Variants in ITIH5 observed in about 807,000 individuals in gnomAD.
ITIH5 encodes the protein inter-alpha-trypsin inhibitor heavy chain 5, also known as inter-alpha-trypsin inhibitor heavy chain H5.
ITIH5 carries 65 observed loss-of-function variants against 77.5 expected under a neutral mutation model. The observed-to-expected ratio is 0.84, with a 90% CI of 0.69 to 1.03. The LOEUF is 1.03. ITIH5 is among the 50% of genes least tolerant of loss of function. The pLI, the probability that ITIH5 is intolerant of heterozygous loss-of-function variation, is 0.00. For synonymous variants in ITIH5, 525 were observed against 494.3 expected, an observed-to-expected ratio of 1.06 and a Z score of -0.82; for missense variants, 1,208 against 1,213.1, an observed-to-expected ratio of 1.00 and a Z score of 0.06.
At chr10:7,573,660 A>C (rs1475062672) in intron 10 of ITIH5, among the ~76,000 whole-genome samples, 1 of 126,600 alleles carries the variant, frequency 7.9e-6, no homozygotes, top group African/African-American at 3.0e-5. Flanking sequence ...TGGTTAACAG[A>C]GTGAGACTGT....
chr10:7,583,461 T>A lies in ITIH5; in HGVS notation c.1108+2440A>T, dbSNP rs571737418. 7.2e-4 allele frequency among the ~76,000 whole-genome samples: 109 copies of A among 152,320 alleles called. 2 individuals carry two copies. Among genetic ancestry groups the A allele is most frequent in the Non-Finnish European group, 1.2e-4 (8 of 68,024 alleles). On this transcript the variant is annotated intron_variant, in intron 8 of 13. Transcript: ENST00000397146. ...AATTCTCCTGCCTCAGCCTCCCCAGTAGCTGGGACTACAGGCGCAAGCTAC... is the reference window on the plus strand; with the variant it reads ...AATTCTCCTGCCTCAGCCTCCCCAGAAGCTGGGACTACAGGCGCAAGCTAC...
intron 5 of ITIH5, among the ~76,000 whole-genome samples, chr10:7,624,021 T>C (rs991693357): frequency 6.6e-6 from 1 of 152,162 alleles, no homozygotes; most frequent in African/African-American, 2.4e-5. Flanking sequence ...TATAGTTAAG[T>C]AGATGTTTGC....
At chr10:7,660,796 T>C (rs1347199887) in intron 1 of ITIH5, among the ~76,000 whole-genome samples, 4 of 152,206 alleles carry the variant, frequency 2.6e-5, no homozygotes, top group Non-Finnish European at 5.9e-5. Context: ...ACCTTTGGTA[T>C]GGATGCTGTA....
At chr10:7,625,180 G>T (rs1422148810) in intron 5 of ITIH5, among the ~76,000 whole-genome samples, 2 of 152,032 alleles carry the variant, frequency 1.3e-5, no homozygotes, top group Non-Finnish European at 2.9e-5. Flanking sequence ...CAAAAGAAGA[G>T]AAATGTTGAC....
At chr10:7,603,775 A>G (rs555251569) in intron 7 of ITIH5, among the ~76,000 whole-genome samples, 37 of 152,018 alleles carry the variant, frequency 2.4e-4, no homozygotes, top group Middle Eastern at 6.8e-3. Flanking sequence ...AGTAGAGACG[A>G]GGTTTCACTG....
rs1221757396 is a variant in ITIH5 at position 7,563,228 on chromosome 10, A to G, written c.2684T>C (p.Ile895Thr). ...QVPVVWKQRK[I>T]YNGEEQIDCW... is the part of the protein sequence containing the mutation. ...GTCTATCTGCTCTTCCCCGTTGTAA[A>G]TCTTCCTTTGCTTCCAGACCACTGG... Residue 895 changes from isoleucine (I) to threonine (T), a missense_variant, in exon 14 of 14, where the codon ATT becomes ACT. Physicochemically the swap from Ile to Thr is moderately conservative, Grantham distance 89 (BLOSUM62 -1). Coordinates refer to ENST00000397146, the MANE Select transcript of ITIH5 (RefSeq NM_030569.7). 6.2e-7 allele frequency: 1 copy of G among 1,614,100 alleles called. No homozygotes were observed.
intron 11 of ITIH5, chr10:7,572,264 G>A: frequency 7.4e-7 from 1 of 1,343,268 alleles, no homozygotes; most frequent in South Asian, 1.2e-5. Context: ...TCCAGAGGAT[G>A]ATCTGGACAC....
At chr10:7,664,541 T>C (rs1452067514) in intron 1 of ITIH5, among the ~76,000 whole-genome samples, 1 of 152,192 alleles carries the variant, frequency 6.6e-6, no homozygotes, top group East Asian at 1.9e-4. Flanking sequence ...CAAGTGACTT[T>C]TTCCACCCCA....
Position 7,563,058 on chromosome 10 carries a change from A to G in ITIH5, c.*25T>C, listed in dbSNP as rs1481707274. ...CTCCCCACATCACTGTCCTTCATGC[A>G]CTTGCATCTTTAAGGCTGCCAGCTT... On this transcript the variant is annotated 3_prime_UTR_variant, in exon 14 of 14. Transcript: ENST00000397146. 1.2e-6 allele frequency: 2 copies of G among 1,607,688 alleles called. No homozygotes were observed. The highest frequency in any genetic ancestry group is 1.3e-5 in the African/African-American group (1 of 74,850).
chr10:7,656,246 G>T (rs776693143), intron 1 of ITIH5, among the ~76,000 whole-genome samples: 11 of 152,270 alleles, frequency 7.2e-5, no homozygotes, highest in Admixed American at 3.9e-4. Context: ...ACATGGCCTC[G>T]CTGTGTTGCT....
chr10:7,622,319 G>A (rs1422363267), intron 5 of ITIH5: 1 of 152,134 alleles, frequency 6.6e-6, no homozygotes, highest in African/African-American at 2.4e-5. Context: ...CAAAACGACT[G>A]ACTTAATATT....
chr10:7,626,761 A>G (rs1833585813), intron 5 of ITIH5, among the ~76,000 whole-genome samples: 1 of 152,244 alleles, frequency 6.6e-6, no homozygotes, highest in Admixed American at 6.5e-5. Context: ...TCTGAATTCA[A>G]ATGAAACTGG....
Position 7,637,370 on chromosome 10 carries a change from G to A in ITIH5, c.510C>T (p.Tyr170=). The change falls in exon 5 of 14, where the codon TAC becomes TAT. Residue 170 remains tyrosine, a synonymous_variant. Transcript: ENST00000397146. The part of the protein sequence containing the change: ...EELLQRRLGK[Y]EHSISVRPQQ... Reference sequence around the variant, plus strand: ...GGGGCCGCACGCTGATGCTGTGCTCGTACTTGCCCAGGCGCCTCTGCAGAA... The same window carrying A: ...GGGGCCGCACGCTGATGCTGTGCTCATACTTGCCCAGGCGCCTCTGCAGAA... 1 of 1,614,224 alleles carries A rather than the reference G, an allele frequency of 6.2e-7. No individual in the cohort carries two copies. Among genetic ancestry groups the A allele is most frequent in the Non-Finnish European group, 8.5e-7 (1 of 1,180,050 alleles).
chr10:7,627,284 C>G (rs1246625861), intron 5 of ITIH5, among the ~76,000 whole-genome samples: 3 of 146,972 alleles, frequency 2.0e-5, no homozygotes, highest in Non-Finnish European at 3.0e-5. Context: ...GCACATGGAT[C>G]CCAGAACTTA....
chr10:7,562,584 C>G lies in ITIH5; in HGVS notation c.*499G>C, dbSNP rs1832058646. ...GGTGGCCTGGACTCAGCAAGAGATT[C>G]CTTTGCAGCAGAGGTTGGCCACACA... is the stretch of plus-strand genomic sequence containing the variant. On this transcript the variant is annotated 3_prime_UTR_variant, in exon 14 of 14. Coordinates refer to ENST00000397146, the MANE Select transcript of ITIH5 (RefSeq NM_030569.7). 6.1e-6 allele frequency: 1 copy of G among 163,722 alleles called. No homozygotes were observed. The highest frequency in any genetic ancestry group is 2.4e-5 in the African/African-American group (1 of 41,754). 10.1% of individuals were successfully genotyped at this position (163,722 alleles called of 1,614,324 possible).
intron 7 of ITIH5, among the ~76,000 whole-genome samples, chr10:7,606,847 C>T (rs975518985): frequency 6.6e-6 from 1 of 152,254 alleles, no homozygotes; most frequent in Non-Finnish European, 1.5e-5. Flanking sequence ...TCAATGGGTG[C>T]CTCTAATTTA....
intron 1 of ITIH5, among the ~76,000 whole-genome samples, chr10:7,664,100 C>G (rs1834322394): frequency 6.6e-6 from 1 of 152,128 alleles, no homozygotes; most frequent in Admixed American, 6.5e-5. Context: ...TTTAAAAATA[C>G]TACTATTCAA....
chr10:7,642,986 G>A (rs115993563), intron 2 of ITIH5, among the ~76,000 whole-genome samples: 1,719 of 152,308 alleles, frequency 0.011, 31 homozygotes, highest in African/African-American at 0.039. Flanking sequence ...GTGGGGTTGC[G>A]GGGAAGGCAG....
chr10:7,590,445 T>C (rs1206358765), intron 7 of ITIH5, among the ~76,000 whole-genome samples: 2 of 152,244 alleles, frequency 1.3e-5, no homozygotes, highest in East Asian at 3.8e-4. Context: ...CAACCACTAC[T>C]AAAATGCTGG....
Sources: gnomAD v4.1 joint callset for allele counts (sites outside exome capture counted in the v4.1 genomes callset) on GRCh38, gnomAD v4.1.1 for gene constraint, MANE v1.5 for transcripts, NCBI Gene and HGNC (gene_info 2026-07-23, HGNC 2026-07-21) for gene names.